Variants in SUCLG1 observed in about 807,000 individuals in gnomAD.
SUCLG1 encodes succinate-CoA ligase GDP/ADP-forming subunit alpha.
Under a neutral mutation model 37.3 loss-of-function variants are expected in SUCLG1, and 26 were observed. That is an observed-to-expected ratio of 0.70 (90% CI 0.51 to 0.97). The LOEUF (loss-of-function observed/expected upper bound fraction) is 0.97, where lower values mean the gene tolerates loss of function less well. Ranked by LOEUF, SUCLG1 falls within the 50% of genes least tolerant of loss-of-function variation. The pLI is 0.00. For synonymous variants in SUCLG1, 163 were observed against 155.6 expected (o/e 1.05, Z -0.36); for missense variants, 433 against 432.9 (o/e 1.00, Z 0.00).
At chr2:84,439,612 A>T (rs1206284217) in intron 5 of SUCLG1, among the ~76,000 whole-genome samples, 1 of 152,196 alleles carries the variant, frequency 6.6e-6, no homozygotes, top group Non-Finnish European at 1.5e-5. Context: ...AAAAATCATG[A>T]TCTTTAACCC....
intron 1 of SUCLG1, among the ~76,000 whole-genome samples, chr2:84,458,800 C>T (rs1002836664): frequency 6.6e-6 from 1 of 152,160 alleles, no homozygotes; most frequent in African/African-American, 2.4e-5. Flanking sequence ...TTACCTTCCC[C>T]ACCAAGTTCA....
intron 1 of SUCLG1, among the ~76,000 whole-genome samples, chr2:84,454,253 T>C (rs1316876376): frequency 6.6e-6 from 1 of 152,254 alleles, no homozygotes; most frequent in Non-Finnish European, 1.5e-5. Context: ...AACATACTAA[T>C]CCATGTCTGC....
At chr2:84,448,520 C>CAAAAA (rs59457991) in intron 2 of SUCLG1, among the ~76,000 whole-genome samples, 1 of 125,160 alleles carries the variant, frequency 8.0e-6, no homozygotes. Flanking sequence ...CTTAAATTAC[C>CAAAAA]AAAAAAAAAA....
chr2:84,445,210 T>C (rs1672831638), intron 2 of SUCLG1, among the ~76,000 whole-genome samples: 1 of 152,224 alleles, frequency 6.6e-6, no homozygotes, highest in Admixed American at 6.5e-5. Flanking sequence ...ATTATAAAAG[T>C]ATTAATTTGG....
intron 3 of SUCLG1, 112 bp downstream of exon 3, chr2:84,443,172 T>C: frequency 1.0e-6 from 1 of 982,640 alleles, no homozygotes. Context: ...GTTACTGAAT[T>C]TTCAAATAGC....
intron 2 of SUCLG1, 65 bp downstream of exon 2, chr2:84,449,584 A>T: frequency 5.4e-6 from 6 of 1,112,688 alleles, no homozygotes; most frequent in South Asian, 2.9e-5. Context: ...TATTAAAAAT[A>T]AAAAAATAGT....
chr2:84,428,994 A>T (rs1033245536), intron 7 of SUCLG1, among the ~76,000 whole-genome samples: 1 of 152,258 alleles, frequency 6.6e-6, no homozygotes, highest in Admixed American at 6.5e-5. Flanking sequence ...GAACAAAAAC[A>T]ACTTACCAAA....
rs1463337059 is a variant in SUCLG1 at position 84,433,714 on chromosome 2, T to C, written c.590-279A>G. ...ATGCAAGAAAGACTTAAATTACCTC[T>C]TCTGAGAATCTTTATGAAGAAGCTA... On this transcript the variant is annotated intron_variant, in intron 5 of 8. Coordinates refer to ENST00000393868, the MANE Select transcript of SUCLG1 (RefSeq NM_003849.4). 19 of 440,400 alleles carry C rather than the reference T, an allele frequency of 4.3e-5. No homozygotes were observed. The Admixed American group carries it at 4.8e-4, about 11-fold the overall frequency. 27.3% of individuals were successfully genotyped at this position (440,400 alleles called of 1,614,324 possible). A position where few individuals can be genotyped will look rare whatever the true frequency, so the allele number is the denominator to read the frequency against.
chr2:84,439,898 A>G (rs1672741649), intron 5 of SUCLG1, among the ~76,000 whole-genome samples: 1 of 152,214 alleles, frequency 6.6e-6, no homozygotes, highest in South Asian at 2.1e-4. Flanking sequence ...CCTGCTTTCT[A>G]AGGTGCCTAC....
At chr2:84,441,535 T>G in intron 3 of SUCLG1, 76 bp from the exon 4 acceptor site, 1 of 1,468,558 alleles carries the variant, frequency 6.8e-7, no homozygotes, top group East Asian at 2.4e-5. Flanking sequence ...TACCATCATT[T>G]TAATAATGTC....
intron 5 of SUCLG1, among the ~76,000 whole-genome samples, chr2:84,438,176 TAC>T (rs1477311842): frequency 6.6e-6 from 1 of 152,258 alleles, no homozygotes; most frequent in African/African-American, 2.4e-5. Context: ...GAAATTATAC[TAC>T]AGTTTTGCAA....
intron 1 of SUCLG1, among the ~76,000 whole-genome samples, chr2:84,457,387 G>A (rs1033772317): frequency 6.6e-6 from 1 of 152,118 alleles, no homozygotes; most frequent in Admixed American, 6.5e-5. Flanking sequence ...TTAATCACAT[G>A]ACTTGAATAA....
intron 8 of SUCLG1, among the ~76,000 whole-genome samples, chr2:84,424,425 A>G (rs1672501313): frequency 6.6e-6 from 1 of 152,174 alleles, no homozygotes; most frequent in African/African-American, 2.4e-5. Flanking sequence ...CCCACCTTCA[A>G]ATAAAATTAT....
chr2:84,449,794 T>C, intron 1 of SUCLG1, 42 bp from the exon 2 acceptor site: 1 of 1,360,882 alleles, frequency 7.3e-7, no homozygotes, highest in South Asian at 1.3e-5. Context: ...AAAAGACACA[T>C]TATAATTTTT....
intron 2 of SUCLG1, among the ~76,000 whole-genome samples, chr2:84,449,345 T>A (rs905023764): frequency 6.6e-6 from 1 of 152,158 alleles, no homozygotes; most frequent in African/African-American, 2.4e-5. Flanking sequence ...GAAACGGTGA[T>A]CTCTTTCAAC....
chr2:84,457,012 CA>C (rs1673030982), intron 1 of SUCLG1, among the ~76,000 whole-genome samples: 5 of 152,164 alleles, frequency 3.3e-5, no homozygotes, highest in Admixed American at 2.6e-4. Flanking sequence ...AGGCATCTAC[CA>C]GTGTTCACTT....
At chr2:84,453,660 G>C (rs535464729) in intron 1 of SUCLG1, among the ~76,000 whole-genome samples, 1 of 152,064 alleles carries the variant, frequency 6.6e-6, no homozygotes, top group Non-Finnish European at 1.5e-5. Flanking sequence ...CAAGTGATCC[G>C]CCTGCCTTGG....
intron 7 of SUCLG1, among the ~76,000 whole-genome samples, chr2:84,431,261 G>A (rs780254923): frequency 6.6e-6 from 1 of 152,172 alleles, no homozygotes; most frequent in Non-Finnish European, 1.5e-5. Context: ...TGTTCAGCAG[G>A]AGAACGACTT....
intron 8 of SUCLG1, 104 bp from the exon 9 acceptor site, chr2:84,423,876 A>T (rs1672492983): frequency 8.2e-7 from 1 of 1,220,804 alleles, no homozygotes; most frequent in Non-Finnish European, 1.2e-6. Context: ...TATCTTTAGG[A>T]TCCCCTGAAC....
Sources: gnomAD v4.1 joint callset for allele counts (sites outside exome capture counted in the v4.1 genomes callset) on GRCh38, gnomAD v4.1.1 for gene constraint, MANE v1.5 for transcripts, NCBI Gene and HGNC (gene_info 2026-07-23, HGNC 2026-07-21) for gene names.